Variants in POGZ observed in about 807,000 individuals in gnomAD.
POGZ encodes the protein pogo transposable element with ZNF domain.
Under a neutral mutation model 134.6 loss-of-function variants are expected in POGZ, and 17 were observed. That is an observed-to-expected ratio of 0.13 (90% CI 0.09 to 0.19). The LOEUF (loss-of-function observed/expected upper bound fraction) is 0.19. Ranked by LOEUF, POGZ falls within the 10% of genes least tolerant of loss-of-function variation. The pLI is 1.00. For missense variants in POGZ, 1,306 were observed against 1,769.7 expected, an observed-to-expected ratio of 0.74 and a Z score of 4.70; for synonymous variants, 693 against 657.1, an observed-to-expected ratio of 1.05 and a Z score of -0.84.
chr1:151,447,190 A>G (rs1234264130), intron 1 of POGZ, among the ~76,000 whole-genome samples: 1 of 152,132 alleles, frequency 6.6e-6, no homozygotes, highest in African/African-American at 2.4e-5. Context: ...GTTTGAGACC[A>G]GCCTGGCCAA....
chr1:151,435,363 CATA>C lies in POGZ; in HGVS notation c.284-4525_284-4523del, dbSNP rs1264157512. On this transcript the variant is annotated intron_variant, in intron 3 of 18. Coordinates refer to ENST00000271715, the MANE Select transcript of POGZ (RefSeq NM_015100.4). ...AATTAAGCAATAGTTTATTTCACCT[CATA>C]ATGTTTCTTTCCTGTGCAAACATAA... 2.0e-5 allele frequency among the ~76,000 whole-genome samples: 3 copies of C among 152,202 alleles called. No individual in the cohort carries two copies. In the East Asian group the frequency reaches 5.8e-4, roughly 29 times the overall value.
chr1:151,403,123 G>T lies in POGZ; in HGVS notation c.*1679C>A. On this transcript the variant is annotated 3_prime_UTR_variant, in exon 19 of 19. Coordinates refer to ENST00000271715, the MANE Select transcript of POGZ (RefSeq NM_015100.4). ...GATGGATCCTTGGTTGTTTTCAGAT[G>T]TCAAAGGTTCACAAAGCTGGCCAAG... 1 of 683,884 alleles carries T rather than the reference G, an allele frequency of 1.5e-6. No homozygotes were observed. The highest frequency in any genetic ancestry group is 1.3e-4 in the East Asian group (1 of 7,470). The allele number at this position is 683,884 out of a possible 1,614,324, so 42.4% of individuals were successfully genotyped here.
chr1:151,442,184 G>A lies in POGZ; in HGVS notation c.21C>T (p.Phe7=). The A allele has an allele frequency of 1.2e-6, 2 of 1,613,592 alleles. No homozygotes were observed. MADTDL[F]MECEEEELEP... Reference sequence around the variant, plus strand: ...CCAACTCCTCCTCCTCACATTCCATGAACAGGTCGGTGTCCGCCATGCTAT... The same window carrying A: ...CCAACTCCTCCTCCTCACATTCCATAAACAGGTCGGTGTCCGCCATGCTAT... Residue 7 remains phenylalanine (F), a synonymous_variant, in exon 2 of 19, where the codon TTC becomes TTT. Transcript: ENST00000271715.
Position 151,417,511 on chromosome 1 carries a change from C to A in POGZ, c.1679-5115G>T, listed in dbSNP as rs887147091. Reference sequence around the variant, plus strand: ...AAGCAGCTGGGATTACAAGTGTGCACCACCATGCCCAACTAATTTTTTGTA... The same window carrying A: ...AAGCAGCTGGGATTACAAGTGTGCAACACCATGCCCAACTAATTTTTTGTA... On this transcript the variant is annotated intron_variant, in intron 10 of 18. Coordinates refer to ENST00000271715, the MANE Select transcript of POGZ (RefSeq NM_015100.4). 1.7e-4 allele frequency among the ~76,000 whole-genome samples: 26 copies of A among 152,118 alleles called. 1 individual carries two copies. The highest frequency in any genetic ancestry group is 6.8e-3 in the Middle Eastern group (2 of 294).
rs1187420874 is a variant in POGZ at position 151,404,480 on chromosome 1, TTTTC to T, written c.*318_*321del. ...TTAACATTTGCCCACAAATAATTTT[TTTTC>T]TTTTTCTTAATTTTGTCAGAAAAAT... On this transcript the variant is annotated 3_prime_UTR_variant, in exon 19 of 19. Coordinates refer to ENST00000271715, the MANE Select transcript of POGZ (RefSeq NM_015100.4). 1.4e-5 allele frequency: 14 copies of T among 1,031,022 alleles called. No individual in the cohort carries two copies. The African/African-American group carries it at 1.5e-4, about 11-fold the overall frequency. The allele number at this position is 1,031,022 out of a possible 1,614,324, so 63.9% of individuals were successfully genotyped here.
Position 151,405,050 on chromosome 1 carries a change from G to T in POGZ, c.3985C>A (p.Leu1329Met). 1 of 1,614,170 alleles carries T rather than the reference G, an allele frequency of 6.2e-7. No individual in the cohort carries two copies. The highest frequency in any genetic ancestry group is 8.5e-7 in the Non-Finnish European group (1 of 1,180,034). ...VQRSFLVASVLPGPDGNINSP... is the reference protein window; with the variant it reads ...VQRSFLVASVMPGPDGNINSP... ...TTAATGTTGCCATCGGGGCCAGGCA[G>T]AACACTAGCCACCAGGAAGGAGCGC... Residue 1329 changes from leucine to methionine, a missense_variant, in exon 19 of 19, where the codon CTG becomes ATG. Around this residue, in one of 10 missense-constraint regions of POGZ, gnomAD observed 107 missense variants for 97.9 expected, o/e 1.09. Transcript: ENST00000271715. This position sits in a 1 kb window ranked among gnomAD's most constrained non-coding sequence, Gnocchi z 4.9.
rs1371910015 is a variant in POGZ, at chr1:151,424,050, A to G, written c.1422T>C (p.Tyr474=). Reference sequence around the variant, plus strand: ...GGGCTACTTTGCCACCATCCCGTCCATAGTAGAAGTCATCTACAAGCATAA... The same window carrying G: ...GGGCTACTTTGCCACCATCCCGTCCGTAGTAGAAGTCATCTACAAGCATAA... ...KLIMLVDDFY[Y]GRDGGKVAQL... The change falls in exon 9 of 19, where the codon TAT becomes TAC. Residue 474 remains tyrosine, a synonymous_variant. Coordinates refer to ENST00000271715, the MANE Select transcript of POGZ (RefSeq NM_015100.4). 6.2e-7 allele frequency: 1 copy of G among 1,614,040 alleles called. No homozygotes were observed. The highest frequency in any genetic ancestry group is 8.5e-7 in the Non-Finnish European group (1 of 1,180,018).
chr1:151,428,029 G>C lies in POGZ; in HGVS notation c.872C>G (p.Pro291Arg). Residue 291 changes from proline to arginine, a missense_variant, in exon 7 of 19, where the codon CCC becomes CGC. Pro to Arg is a moderately radical substitution (Grantham distance 103, BLOSUM62 -2). This residue lies in a region of POGZ where 541 missense variants were observed against 680.5 expected (regional missense o/e 0.80). Transcript: ENST00000271715. ...TTNPKLAPSF[P>R]SPPAVSIASF... ...GGCAATGCTCACTGCAGGTGGAGAG[G>C]GGAAGGAGGGAGCTACGGTGACCAA... is the stretch of plus-strand genomic sequence containing the variant. 1 of 1,614,192 alleles carries C rather than the reference G, an allele frequency of 6.2e-7. No individual in the cohort carries two copies. The highest frequency in any genetic ancestry group is 8.5e-7 in the Non-Finnish European group (1 of 1,180,008).
At chr1:151,406,729 T>G in intron 17 of POGZ, 98 bp from the exon 18 acceptor site, 1 of 1,116,956 alleles carries the variant, frequency 9.0e-7, no homozygotes. Flanking sequence ...ACAAATACGC[T>G]GTTCGCAGTG....
chr1:151,403,893 G>C lies in POGZ; in HGVS notation c.*909C>G. ...GGCTTACAGGATGAAGACTCAAACT[G>C]GGAATGGCTTCCACCCTAAAACTGT... On this transcript the variant is annotated 3_prime_UTR_variant, in exon 19 of 19. Transcript: ENST00000271715. 1.0e-6 allele frequency: 1 copy of C among 985,446 alleles called. No homozygotes were observed. Among genetic ancestry groups the C allele is most frequent in the African/African-American group, 1.7e-5 (1 of 57,370 alleles). The allele number at this position is 985,446 out of a possible 1,614,324, so 61.0% of individuals were successfully genotyped here. A position where few individuals can be genotyped will look rare whatever the true frequency, so the allele number is the denominator to read the frequency against.
chr1:151,411,756 A>T lies in POGZ; in HGVS notation c.1795T>A (p.Ser599Thr). 6.2e-7 allele frequency: 1 copy of T among 1,613,424 alleles called. No individual in the cohort carries two copies. Among genetic ancestry groups the T allele is most frequent in the Non-Finnish European group, 8.5e-7 (1 of 1,179,618 alleles). Residue 599 changes from serine to threonine, a missense_variant, in exon 12 of 19, where the codon TCC (serine) becomes ACC (threonine). Coordinates refer to ENST00000271715, the MANE Select transcript of POGZ (RefSeq NM_015100.4). ...ACATCTACCTCAGAGTAGAGTGAGG[A>T]GCGATATTGACACACCTGAGTCACA... ...PYVCQVCQYRSSLYSEVDVHF... is the reference protein window; with the variant it reads ...PYVCQVCQYRTSLYSEVDVHF...
chr1:151,411,265 G>C (rs1454969940), intron 12 of POGZ, among the ~76,000 whole-genome samples: 1 of 152,012 alleles, frequency 6.6e-6, no homozygotes, highest in African/African-American at 2.4e-5. Flanking sequence ...TTGTGCCTTG[G>C]GCACACTGTT....
Position 151,436,994 on chromosome 1 carries a change from G to C in POGZ, c.283+3934C>G, listed in dbSNP as rs1023613537. On this transcript the variant is annotated intron_variant, in intron 3 of 18. Coordinates refer to ENST00000271715, the MANE Select transcript of POGZ (RefSeq NM_015100.4). ...AGATTACTTGAGGTCAGGAGTTTGAGACCAGCCTAGCCAACATGGTGACAC... is the reference window on the plus strand; with the variant it reads ...AGATTACTTGAGGTCAGGAGTTTGACACCAGCCTAGCCAACATGGTGACAC... 2.0e-5 allele frequency among the ~76,000 whole-genome samples: 3 copies of C among 152,150 alleles called. No individual in the cohort carries two copies. The East Asian group carries it at 5.8e-4, about 29-fold the overall frequency.
intron 1 of POGZ, among the ~76,000 whole-genome samples, chr1:151,452,165 T>C (rs1451721027): frequency 6.7e-6 from 1 of 150,024 alleles, no homozygotes; most frequent in African/African-American, 2.4e-5. Flanking sequence ...GGTGGTAGGA[T>C]TGCTTAAGGT....
intron 12 of POGZ, among the ~76,000 whole-genome samples, chr1:151,409,456 G>A (rs987105160): frequency 1.3e-5 from 2 of 151,896 alleles, no homozygotes; most frequent in Non-Finnish European, 2.9e-5. Flanking sequence ...CTCACTGCAC[G>A]TCCCAAGTAG....
intron 4 of POGZ, 111 bp from the exon 5 acceptor site, chr1:151,429,822 T>C (rs1658403787): frequency 5.8e-6 from 3 of 520,408 alleles, no homozygotes; most frequent in South Asian, 3.0e-5. Context: ...TTAATGGTTC[T>C]TTCTCTAGAA....
intron 10 of POGZ, among the ~76,000 whole-genome samples, chr1:151,421,002 T>C (rs1462373779): frequency 2.7e-5 from 4 of 149,678 alleles, no homozygotes; most frequent in African/African-American, 9.8e-5. Context: ...TATATATATA[T>C]ATATACCTAT....
intron 1 of POGZ, among the ~76,000 whole-genome samples, chr1:151,456,479 C>T (rs1662787568): frequency 6.6e-6 from 1 of 152,154 alleles, no homozygotes; most frequent in Non-Finnish European, 1.5e-5. Context: ...GTCTGCTAGT[C>T]GTTCTTTCAA....
intron 1 of POGZ, among the ~76,000 whole-genome samples, chr1:151,445,445 C>CAGAACT (rs1443857803): frequency 6.7e-6 from 1 of 150,218 alleles, no homozygotes; most frequent in East Asian, 2.0e-4. Flanking sequence ...TCGCTTGAAC[C>CAGAACT]CAGGAGGCAG....
Sources: allele counts gnomAD v4.1 joint callset (sites outside exome capture counted in the v4.1 genomes callset), GRCh38; gene constraint gnomAD v4.1.1; regional missense constraint gnomAD v4.1.1; non-coding constraint Gnocchi (gnomAD v3.1); transcripts MANE v1.5; gene names NCBI Gene and HGNC (gene_info 2026-07-23, HGNC 2026-07-21).